WWOX: variants seen among roughly 807,000 people sequenced by gnomAD.
WWOX encodes WW domain-containing oxidoreductase.
WWOX carries 69 observed loss-of-function variants against 46.2 expected under a neutral mutation model. The ratio of observed to expected loss-of-function variants is 1.49; its 90% CI spans 1.23 to 1.82. The LOEUF is 1.82. WWOX is among the 40% of genes most tolerant of loss of function. The pLI is 0.00. For synonymous variants in WWOX, 359 were observed against 202.6 expected (o/e 1.77, Z -6.56); for missense variants, 919 against 542.6 (o/e 1.69, Z -6.89).
intron 8 of WWOX, among the ~76,000 whole-genome samples, chr16:78,687,626 A>G (rs2047893002): frequency 6.6e-6 from 1 of 152,212 alleles, no homozygotes; most frequent in Non-Finnish European, 1.5e-5. Flanking sequence ...AGTAATGGTT[A>G]TCTATAGCTC....
At chr16:78,558,849 C>G in intron 8 of WWOX, among the ~76,000 whole-genome samples, 1 of 152,332 alleles carries the variant, frequency 6.6e-6, no homozygotes. Context: ...GAATCCTAGA[C>G]CCCTTCTCTC....
chr16:78,422,858 C>T (rs1174155116), intron 6 of WWOX, among the ~76,000 whole-genome samples: 6 of 127,182 alleles, frequency 4.7e-5, no homozygotes, highest in African/African-American at 2.7e-4. Context: ...CACACACACA[C>T]ACACACACAC....
chr16:78,217,343 G>T (rs2036754904), intron 5 of WWOX, among the ~76,000 whole-genome samples: 1 of 152,168 alleles, frequency 6.6e-6, no homozygotes, highest in Non-Finnish European at 1.5e-5. Context: ...TCCTGCTGGT[G>T]GAAACAGCAT....
chr16:78,667,670 C>CAAAAAAA (rs35375082), intron 8 of WWOX, among the ~76,000 whole-genome samples: 2 of 61,302 alleles, frequency 3.3e-5, no homozygotes, highest in Non-Finnish European at 6.7e-5. Context: ...GACTCCGTCT[C>CAAAAAAA]AAAAAAAAAA....
At chr16:78,677,532 C>T (rs1301258645) in intron 8 of WWOX, among the ~76,000 whole-genome samples, 2 of 152,160 alleles carry the variant, frequency 1.3e-5, no homozygotes, top group African/African-American at 4.8e-5. Flanking sequence ...CATTAGCAGC[C>T]TCTGCTCTAG....
At position 79,027,782 on chromosome 16, in the gene WWOX, T is replaced by G. The variant is rs112346623; in HGVS notation, c.1057-183826T>G. Among the ~76,000 whole-genome samples the G allele has an allele frequency of 2.6e-4, 39 of 151,916 alleles. 3 individuals carry two copies. Among genetic ancestry groups the G allele is most frequent in the African/African-American group, 9.0e-4 (37 of 41,210 alleles). On this transcript the variant is annotated intron_variant, in intron 8 of 8. Transcript: ENST00000566780. The stretch of plus-strand genomic sequence containing the variant: ...GTCTTTTTTTGATATAGATGTCTCT[T>G]GATATAGAAGCATTTCTCGGGATGG...
intron 8 of WWOX, among the ~76,000 whole-genome samples, chr16:78,532,757 T>G (rs2043653184): frequency 6.6e-6 from 1 of 151,522 alleles, no homozygotes; most frequent in East Asian, 2.0e-4. Flanking sequence ...TCAGATTCCT[T>G]GAGACTTATT....
chr16:78,651,431 G>C (rs1400542226), intron 8 of WWOX, among the ~76,000 whole-genome samples: 1 of 152,216 alleles, frequency 6.6e-6, no homozygotes, highest in Non-Finnish European at 1.5e-5. Context: ...AGGAGAACAA[G>C]TCCCCTGGAG....
chr16:78,944,298 C>G (rs775688445), intron 8 of WWOX, among the ~76,000 whole-genome samples: 1 of 152,152 alleles, frequency 6.6e-6, no homozygotes, highest in Non-Finnish European at 1.5e-5. Context: ...TCAGCCTCTA[C>G]CACATTGAAT....
At chr16:79,087,305 G>A (rs147221968) in intron 8 of WWOX, among the ~76,000 whole-genome samples, 5 of 152,314 alleles carry the variant, frequency 3.3e-5, no homozygotes, top group South Asian at 2.1e-4. Flanking sequence ...AAAATGCTTG[G>A]TTCTTCCTGT....
At chr16:78,265,160 C>G (rs1162386671) in intron 5 of WWOX, among the ~76,000 whole-genome samples, 1 of 151,890 alleles carries the variant, frequency 6.6e-6, no homozygotes, top group African/African-American at 2.4e-5. Context: ...GGCACCATGC[C>G]TAGCTAATTT....
chr16:78,172,591 CTT>C (rs74809880), intron 5 of WWOX, among the ~76,000 whole-genome samples: 10 of 143,190 alleles, frequency 7.0e-5, no homozygotes, highest in Admixed American at 7.0e-5. Context: ...GTGTCTTCTC[CTT>C]TTTTTTTTTT....
At chr16:78,363,901 A>G (rs1239734095) in intron 5 of WWOX, among the ~76,000 whole-genome samples, 1 of 152,218 alleles carries the variant, frequency 6.6e-6, no homozygotes. Flanking sequence ...TGGAGACCCC[A>G]GGCCGTCTCT....
chr16:78,140,545 T>A (rs963796450), intron 4 of WWOX, among the ~76,000 whole-genome samples: 5 of 152,122 alleles, frequency 3.3e-5, no homozygotes, highest in Non-Finnish European at 5.9e-5. Flanking sequence ...CAGCTTCTGG[T>A]AGCCCTAGAT....
intron 8 of WWOX, among the ~76,000 whole-genome samples, chr16:79,130,198 C>A (rs1225080403): frequency 6.6e-6 from 1 of 152,168 alleles, no homozygotes. Context: ...GTGTCTGATT[C>A]CTGAACCTGT....
intron 5 of WWOX, among the ~76,000 whole-genome samples, chr16:78,210,033 A>C (rs887478074): frequency 1.3e-5 from 2 of 152,150 alleles, no homozygotes; most frequent in Non-Finnish European, 2.9e-5. Context: ...AGAAAAGCCA[A>C]AAAGAAAAAA....
intron 8 of WWOX, among the ~76,000 whole-genome samples, chr16:78,848,812 C>T (rs955428284): frequency 2.0e-5 from 3 of 151,120 alleles, no homozygotes; most frequent in Non-Finnish European, 4.4e-5. Flanking sequence ...TTTTTTTTAA[C>T]CTCCTCTGAG....
chr16:78,380,558 G>A (rs2081932102), intron 5 of WWOX, among the ~76,000 whole-genome samples: 1 of 152,080 alleles, frequency 6.6e-6, no homozygotes, highest in Non-Finnish European at 1.5e-5. Flanking sequence ...GGGCTGAATG[G>A]TTTATCACCC....
intron 8 of WWOX, among the ~76,000 whole-genome samples, chr16:78,558,997 C>A (rs1236934779): frequency 6.6e-6 from 1 of 152,222 alleles, no homozygotes; most frequent in Non-Finnish European, 1.5e-5. Context: ...ACTACAAGGA[C>A]TTTGTTGCTC....
Sources: gnomAD v4.1 joint callset for allele counts (sites outside exome capture counted in the v4.1 genomes callset) on GRCh38, gnomAD v4.1.1 for gene constraint, MANE v1.5 for transcripts, NCBI Gene and HGNC (gene_info 2026-07-23, HGNC 2026-07-21) for gene names.